The following SLC49A3 variants were observed in gnomAD, a reference collection of about 807,000 sequenced individuals.
SLC49A3 encodes the protein solute carrier family 49 member 3, also known as solute carrier family 49 member A3.
A neutral mutation model predicts 43.8 loss-of-function variants in SLC49A3; 50 were observed. That is an observed-to-expected ratio of 1.14 (90% CI 0.91 to 1.45). The LOEUF (loss-of-function observed/expected upper bound fraction) is 1.45. Ranked by LOEUF, SLC49A3 falls within the 40% of genes most tolerant of loss-of-function variation. SLC49A3 has a pLI of 0.00. For missense variants in SLC49A3, 906 were observed against 774.1 expected, an observed-to-expected ratio of 1.17 and a Z score of -2.02; for synonymous variants, 413 against 352.0, an observed-to-expected ratio of 1.17 and a Z score of -1.94.
At chr4:679,119 G>T, downstream of SLC49A3, 1 of 1,321,520 alleles carries the variant, frequency 7.6e-7, no homozygotes, top group Non-Finnish European at 1.1e-6. Context: ...GCCCCTCCTC[G>T]AATGGAGCCA....
At position 685,841 on chromosome 4, in the gene SLC49A3, C is replaced by T. The variant is rs758154871; in HGVS notation, c.579G>A (p.Pro193=). Residue 193 remains proline (P), a synonymous_variant, in exon 4 of 10, where the codon CCG becomes CCA. Coordinates refer to ENST00000322224, the MANE Select transcript of SLC49A3 (RefSeq NM_032219.4). This position sits in a 1 kb window ranked among gnomAD's most constrained non-coding sequence, Gnocchi z 4.3. ...PVLVKKGEDI[P]LMLGVYTIPA... ...GCGTCTCATGACCCCTCACCATTAA[C>T]GGAATGTCCTCACCCTTCTTGACCA... 10 of 1,613,842 alleles carry T rather than the reference C, an allele frequency of 6.2e-6. No individual in the cohort carries two copies. Among genetic ancestry groups the T allele is most frequent in the African/African-American group, 2.7e-5 (2 of 74,912 alleles).
chr4:677,543 G>A (rs931311777), downstream of SLC49A3, among the ~76,000 whole-genome samples: 4 of 152,234 alleles, frequency 2.6e-5, no homozygotes, highest in African/African-American at 7.2e-5. Flanking sequence ...TGTCACCAAG[G>A]CAGGGAGGGG....
Position 683,246 on chromosome 4 carries a change from C to A in SLC49A3, c.1115G>T (p.Gly372Val). Residue 372 changes from glycine (G) to valine (V), a missense_variant, in exon 8 of 10, where the codon GGG (glycine) becomes GTG (valine). Coordinates refer to ENST00000322224, the MANE Select transcript of SLC49A3 (RefSeq NM_032219.4). ...ELAVECSFPV[G>V]EGAATGMIFV... ...GATCATGCCTGTGGCAGCCCCCTCC[C>A]CCACGGGGAAGGAACACTCGACCGC... The A allele has an allele frequency of 6.2e-7, 1 of 1,612,820 alleles. No homozygotes were observed. The highest frequency in any genetic ancestry group is 8.5e-7 in the Non-Finnish European group (1 of 1,179,920).
downstream of SLC49A3, chr4:678,851 A>C (rs1347472851): frequency 1.2e-6 from 2 of 1,606,684 alleles, no homozygotes; most frequent in African/African-American, 2.7e-5. Flanking sequence ...CAGGGCCAGC[A>C]GGAGTGGAAG....
chr4:681,296 GGA>G (rs2109360582), downstream of SLC49A3, among the ~76,000 whole-genome samples: 1 of 152,256 alleles, frequency 6.6e-6, no homozygotes, highest in South Asian at 2.1e-4. Flanking sequence ...CCCGTCTGAG[GGA>G]CGGAACTGGC....
downstream of SLC49A3, chr4:679,865 C>T: frequency 1.9e-6 from 3 of 1,541,428 alleles, no homozygotes; most frequent in Admixed American, 1.7e-5. Context: ...GCTGGTGGCA[C>T]AGGGCAGGCA....
rs2109419154 is a variant in SLC49A3 at position 684,728 on chromosome 4, C to G, written c.714G>C (p.Gly238=). The G allele has an allele frequency of 1.2e-6, 2 of 1,611,086 alleles. No homozygotes were observed. The highest frequency in any genetic ancestry group is 4.5e-5 in the East Asian group (2 of 44,854). ...ASSTSEKFLD[G]LKLLMWNKAY... ...ATCCCACGGCACTGACCAGCTTGAG[C>G]CCATCCAGGAACTTCTCTGAGGTGG... Residue 238 remains glycine (G), a synonymous_variant, in exon 5 of 10, where the codon GGG becomes GGC. Transcript: ENST00000322224.
chr4:678,611 TTTCG>T, downstream of SLC49A3: 1 of 1,566,212 alleles, frequency 6.4e-7, no homozygotes, highest in Non-Finnish European at 8.7e-7. Flanking sequence ...CCCTGGAGGG[TTTCG>T]TCAGCCAGCC....
downstream of SLC49A3, chr4:678,536 C>A (rs571469930): frequency 1.4e-6 from 2 of 1,465,112 alleles, no homozygotes. Flanking sequence ...GCTGTCTGGC[C>A]CCCTCCAGCC....
Position 686,436 on chromosome 4 carries a change from G to T in SLC49A3, c.294+96C>A, listed in dbSNP as rs977703789. The T allele has an allele frequency of 6.4e-6, 10 of 1,563,538 alleles. No individual in the cohort carries two copies. The African/African-American group carries it at 1.4e-4, about 21-fold the overall frequency. On this transcript the variant is annotated intron_variant, in intron 2 of 9. Coordinates refer to ENST00000322224, the MANE Select transcript of SLC49A3 (RefSeq NM_032219.4). ...GCCGGGGTCCCCAGCTGTTGGGACT[G>T]GTGGGCCCCGGTCTGGGGAGGCCTT...
downstream of SLC49A3, chr4:679,047 C>G (rs1332794850): frequency 1.9e-6 from 3 of 1,609,220 alleles, no homozygotes; most frequent in South Asian, 1.1e-5. Flanking sequence ...GGTACCCAGG[C>G]AGAACGCCTC....
downstream of SLC49A3, chr4:677,790 G>A (rs1738994349): frequency 1.1e-5 from 7 of 640,722 alleles, 1 homozygote; most frequent in Middle Eastern, 1.6e-3. Context: ...GGTAGTCCTG[G>A]CCAGAGGTAT....
At chr4:683,547 C>A in intron 7 of SLC49A3, 62 bp downstream of exon 7, 2 of 1,550,716 alleles carry the variant, frequency 1.3e-6, no homozygotes, top group South Asian at 1.2e-5. Flanking sequence ...GCCAACCGCC[C>A]TCTCCGGGCC....
At position 681,908 on chromosome 4, in the gene SLC49A3, C is replaced by T. The variant is rs376242008; in HGVS notation, c.*50G>A. On this transcript the variant is annotated 3_prime_UTR_variant, in exon 10 of 10. Transcript: ENST00000322224. ...CCGCCCGCAGGTGGACCAGATGTTCCAGTTCGCCTCCATCGATGTGGCGGG... is the reference window on the plus strand; with the variant it reads ...CCGCCCGCAGGTGGACCAGATGTTCTAGTTCGCCTCCATCGATGTGGCGGG... 1.1e-5 allele frequency: 14 copies of T among 1,317,630 alleles called. No homozygotes were observed. In the Middle Eastern group the frequency reaches 8.2e-4, roughly 77 times the overall value. The allele number at this position is 1,317,630 out of a possible 1,614,324, so 81.6% of individuals were successfully genotyped here.
At chr4:678,532 T>A (rs1375411721), downstream of SLC49A3, 2 of 1,462,766 alleles carry the variant, frequency 1.4e-6, no homozygotes, top group African/African-American at 2.9e-5. Flanking sequence ...CTCAGCTGTC[T>A]GGCCCCCTCC....
Position 683,338 on chromosome 4 carries a change from G to A in SLC49A3, c.1023C>T (p.Ala341=). The change falls in exon 8 of 10, where the codon GCC becomes GCT. Residue 341 remains alanine (A), a synonymous_variant. Transcript: ENST00000322224. ...CGAGCAGCGAGCAGGTGGCAGCCAGGGCAAGGGTCTGTCCCTGCAGCTGGG... is the reference window on the plus strand; with the variant it reads ...CGAGCAGCGAGCAGGTGGCAGCCAGAGCAAGGGTCTGTCCCTGCAGCTGGG... ...LVSQLQGQTL[A]LAATCSLLGL... 1.2e-6 allele frequency: 2 copies of A among 1,612,198 alleles called. No individual in the cohort carries two copies. The highest frequency in any genetic ancestry group is 1.7e-4 in the Middle Eastern group (1 of 6,054).
Position 685,842 on chromosome 4 carries a change from G to A in SLC49A3, c.578C>T (p.Pro193Leu), listed in dbSNP as rs752053489. The change falls in exon 4 of 10, where the codon CCG becomes CTG. Residue 193 changes from proline (P) to leucine (L), a missense_variant. Coordinates refer to ENST00000322224, the MANE Select transcript of SLC49A3 (RefSeq NM_032219.4). This position sits in a 1 kb window ranked among gnomAD's most constrained non-coding sequence, Gnocchi z 4.3. ...PVLVKKGEDI[P>L]LMLGVYTIPA... is the part of the protein sequence containing the mutation. ...CGTCTCATGACCCCTCACCATTAAC[G>A]GAATGTCCTCACCCTTCTTGACCAG... is the stretch of plus-strand genomic sequence containing the variant. 1.3e-4 allele frequency: 216 copies of A among 1,613,820 alleles called. No homozygotes were observed. The highest frequency in any genetic ancestry group is 1.7e-4 in the Non-Finnish European group (204 of 1,179,984).
At chr4:682,607 T>G (rs1739999115) in intron 9 of SLC49A3, among the ~76,000 whole-genome samples, 174 bp downstream of exon 9, 1 of 152,120 alleles carries the variant, frequency 6.6e-6, no homozygotes, top group Non-Finnish European at 1.5e-5. Flanking sequence ...ATCTCTGATC[T>G]CGGCCACACC....
chr4:690,007 C>T (rs1293697857), upstream of SLC49A3, among the ~76,000 whole-genome samples: 1 of 152,232 alleles, frequency 6.6e-6, no homozygotes, highest in African/African-American at 2.4e-5. Flanking sequence ...TTCCCCCAAA[C>T]AGGGAGGCTC....
Sources: allele counts gnomAD v4.1 joint callset (sites outside exome capture counted in the v4.1 genomes callset), GRCh38; gene constraint gnomAD v4.1.1; non-coding constraint Gnocchi (gnomAD v3.1); transcripts MANE v1.5; gene names NCBI Gene and HGNC (gene_info 2026-07-23, HGNC 2026-07-21).